TPO: variants seen among roughly 807,000 people sequenced by gnomAD.
The protein encoded by TPO is thyroid microsomal antigen.
A neutral mutation model predicts 96.9 loss-of-function variants in TPO; 78 were observed. The ratio of observed to expected loss-of-function variants is 0.81; its 90% CI spans 0.67 to 0.97. TPO has a LOEUF of 0.97. Among genes scored for constraint, TPO ranks in the 50% least tolerant of loss-of-function variants. The probability of loss-of-function intolerance (pLI) is 0.00; values close to 1 mark genes in which losing one functional copy is unlikely to be tolerated. For synonymous variants in TPO, 547 were observed against 538.0 expected (o/e 1.02, Z -0.23); for missense variants, 1,252 against 1,274.8 (o/e 0.98, Z 0.27).
chr2:1,517,106 T>C, intron 15 of TPO, 124 bp downstream of exon 15: 1 of 955,214 alleles, frequency 1.0e-6, no homozygotes, highest in Non-Finnish European at 1.6e-6. Context: ...CTCAAAGGCA[T>C]TGATCTCAGA....
intron 1 of TPO, among the ~76,000 whole-genome samples, chr2:1,376,647 G>T (rs1010839537): frequency 6.6e-6 from 1 of 152,138 alleles, no homozygotes; most frequent in Non-Finnish European, 1.5e-5. Context: ...CACGGATGAG[G>T]CAGGGCAGGA....
At chr2:1,493,650 T>G in intron 10 of TPO, 152 bp from the exon 11 acceptor site, 2 of 894,986 alleles carry the variant, frequency 2.2e-6, no homozygotes, top group Non-Finnish European at 3.5e-6. Flanking sequence ...AGCTGGAATA[T>G]CCTAGCCTGG....
Position 1,534,988 on chromosome 2 carries a change from G to A in TPO, c.2619-5606G>A, listed in dbSNP as rs1285550010. 7.1e-5 allele frequency among the ~76,000 whole-genome samples: 9 copies of A among 127,334 alleles called. 1 individual carries two copies. Among genetic ancestry groups the A allele is most frequent in the African/African-American group, 2.5e-4 (8 of 32,170 alleles). 83.5% of individuals were successfully genotyped at this position (127,334 alleles called of 152,430 possible). On this transcript the variant is annotated intron_variant, in intron 15 of 16. Coordinates refer to ENST00000329066, the MANE Select transcript of TPO (RefSeq NM_001206744.2). ...CAACCTCCTCAAATCCCCCCAGTGT[G>A]TGCAATTTCCCTAAATCGCCGCAAG...
chr2:1,533,798 G>C (rs1369789619), intron 15 of TPO, among the ~76,000 whole-genome samples: 1 of 50,652 alleles, frequency 2.0e-5, no homozygotes, highest in African/African-American at 7.7e-5. Context: ...CCCCCAGTGT[G>C]TGCAACGTCC....
chr2:1,438,779 ATTTT>A (rs3036132), intron 5 of TPO: 147,574 of 666,122 alleles, frequency 0.22, 6,817 homozygotes, highest in Admixed American at 0.32. Context: ...TTAACTGGAG[ATTTT>A]TTTTTTTTTT....
intron 15 of TPO, among the ~76,000 whole-genome samples, chr2:1,540,298 G>C (rs1404668627): frequency 6.6e-6 from 1 of 152,210 alleles, no homozygotes; most frequent in Admixed American, 6.5e-5. Flanking sequence ...AATCCTCACT[G>C]CAGCCCGCGT....
At chr2:1,415,351 T>C (rs1662818916) in intron 2 of TPO, among the ~76,000 whole-genome samples, 1 of 137,888 alleles carries the variant, frequency 7.3e-6, no homozygotes, top group African/African-American at 2.8e-5. Context: ...CTGGAGCAGG[T>C]GACACTTCGC....
At chr2:1,436,473 G>A in intron 5 of TPO, 89 bp downstream of exon 5, 1 of 1,586,680 alleles carries the variant, frequency 6.3e-7, no homozygotes, top group Non-Finnish European at 8.6e-7. Context: ...TACCACCACT[G>A]GTGGATCTGT....
intron 1 of TPO, among the ~76,000 whole-genome samples, chr2:1,400,161 T>TA (rs774771468): frequency 8.5e-5 from 13 of 152,208 alleles, no homozygotes; most frequent in Admixed American, 1.3e-4. Context: ...TCCTAGGTTA[T>TA]AAAAAAATAC....
At chr2:1,507,707 A>G (rs1204899284) in intron 14 of TPO, among the ~76,000 whole-genome samples, 3 of 151,984 alleles carry the variant, frequency 2.0e-5, no homozygotes, top group African/African-American at 7.2e-5. Flanking sequence ...GTGTATAAGA[A>G]TGCTTGTGAT....
At chr2:1,517,871 G>A (rs1330066198) in intron 15 of TPO, among the ~76,000 whole-genome samples, 1 of 152,158 alleles carries the variant, frequency 6.6e-6, no homozygotes, top group Non-Finnish European at 1.5e-5. Context: ...GGGCCCCCAG[G>A]GCCATGCCCA....
intron 7 of TPO, among the ~76,000 whole-genome samples, chr2:1,461,534 C>T (rs920779533): frequency 2.0e-5 from 3 of 152,120 alleles, no homozygotes; most frequent in African/African-American, 7.2e-5. Flanking sequence ...CTCAGAAGAA[C>T]CCGAGTGGGA....
rs149895233 is a variant in TPO, at chr2:1,470,454, G to A, written c.820-6632G>A. 4.2e-3 allele frequency among the ~76,000 whole-genome samples: 641 copies of A among 151,588 alleles called. 6 individuals are homozygous for A. Among genetic ancestry groups the A allele is most frequent in the African/African-American group, 0.013 (528 of 41,360 alleles). ...TATTCATAAATTTAGGTCGATTTTC[G>A]TCAATTTTTTTTCTTCTCTATGACA... is the stretch of plus-strand genomic sequence containing the variant. On this transcript the variant is annotated intron_variant, in intron 7 of 16. Transcript: ENST00000329066.
intron 14 of TPO, among the ~76,000 whole-genome samples, chr2:1,509,951 T>C (rs1175356066): frequency 6.6e-6 from 1 of 151,858 alleles, no homozygotes; most frequent in Non-Finnish European, 1.5e-5. Context: ...CCCCCTCTTC[T>C]TTCAGGCACA....
upstream of TPO, among the ~76,000 whole-genome samples, chr2:1,413,045 AC>A (rs1662519922): frequency 1.3e-5 from 2 of 152,094 alleles, no homozygotes; most frequent in South Asian, 4.1e-4. Context: ...GGGCTTGGGG[AC>A]AGGAAGCAAA....
chr2:1,487,632 G>C (rs568903297), intron 9 of TPO, among the ~76,000 whole-genome samples, 189 bp from the exon 10 acceptor site: 1 of 152,264 alleles, frequency 6.6e-6, no homozygotes, highest in South Asian at 2.1e-4. Flanking sequence ...AATTACTCGG[G>C]AGGCTGAGGC....
chr2:1,425,797 C>A (rs1664316025), intron 3 of TPO, among the ~76,000 whole-genome samples: 2 of 152,136 alleles, frequency 1.3e-5, no homozygotes, highest in African/African-American at 4.8e-5. Context: ...ATTTCATATC[C>A]TCAGAAGTCT....
At chr2:1,435,020 G>T (rs572553854) in intron 4 of TPO, among the ~76,000 whole-genome samples, 2 of 151,992 alleles carry the variant, frequency 1.3e-5, no homozygotes, top group South Asian at 4.1e-4. Flanking sequence ...TGCAAGCTCC[G>T]CCTCCCAGGT....
At chr2:1,533,211 C>A (rs1678751275) in intron 15 of TPO, among the ~76,000 whole-genome samples, 1 of 78,962 alleles carries the variant, frequency 1.3e-5, no homozygotes, top group African/African-American at 6.9e-5. Flanking sequence ...CCATATCCCC[C>A]CATATCCCCC....
Sources: allele counts gnomAD v4.1 joint callset (sites outside exome capture counted in the v4.1 genomes callset), GRCh38; gene constraint gnomAD v4.1.1; transcripts MANE v1.5; gene names NCBI Gene and HGNC (gene_info 2026-07-23, HGNC 2026-07-21).